The following PICALM variants were observed in gnomAD, a reference collection of about 807,000 sequenced individuals.
PICALM encodes the protein phosphatidylinositol binding clathrin assembly protein, also known as phosphatidylinositol-binding clathrin assembly protein.
PICALM carries 40 observed loss-of-function variants against 80.5 expected under a neutral mutation model. The observed-to-expected ratio is 0.50, with a 90% CI of 0.39 to 0.65. The LOEUF (loss-of-function observed/expected upper bound fraction) is 0.65, where lower values mean the gene tolerates loss of function less well. Among genes scored for constraint, PICALM ranks in the 30% least tolerant of loss-of-function variants. The probability of loss-of-function intolerance (pLI) is 0.00; values close to 1 mark genes in which losing one functional copy is unlikely to be tolerated. For missense variants in PICALM, 676 were observed against 778.9 expected (o/e 0.87, Z 1.57); for synonymous variants, 288 against 260.3 (o/e 1.11, Z -1.02).
At chr11:85,989,749 A>G (rs1356459814) in intron 13 of PICALM, among the ~76,000 whole-genome samples, 1 of 152,134 alleles carries the variant, frequency 6.6e-6, no homozygotes, top group East Asian at 1.9e-4. Flanking sequence ...TCAGAATGGG[A>G]TAAAAGATAT....
intron 4 of PICALM, 116 bp from the exon 5 acceptor site, chr11:86,015,079 T>C (rs2095458892): frequency 3.2e-6 from 2 of 632,392 alleles, no homozygotes; most frequent in South Asian, 3.9e-5. Context: ...AAATGTCACA[T>C]ATTTTTAAGT....
intron 1 of PICALM, among the ~76,000 whole-genome samples, chr11:86,048,077 G>A (rs1213281925): frequency 6.6e-6 from 1 of 151,992 alleles, no homozygotes; most frequent in African/African-American, 2.4e-5. Flanking sequence ...CTCCAGCCTG[G>A]GCAACAAGGC....
Position 86,059,762 on chromosome 11 carries a change from T to C in PICALM, c.130+8889A>G, listed in dbSNP as rs551821130. Among the ~76,000 whole-genome samples, 6 of 152,246 alleles carry C rather than the reference T, an allele frequency of 3.9e-5. No homozygotes were observed. In the South Asian group the frequency reaches 6.2e-4, roughly 16 times the overall value. ...GGGTGACAGAGCCAGACCCTGTCTT[T>C]AGTCCAAGGAATCATATGTGCAAAG... On this transcript the variant is annotated intron_variant, in intron 1 of 19. Coordinates refer to ENST00000393346, the MANE Select transcript of PICALM (RefSeq NM_007166.4).
Position 86,049,937 on chromosome 11 carries a change from C to T in PICALM, c.131-18326G>A, listed in dbSNP as rs373126307. On this transcript the variant is annotated intron_variant, in intron 1 of 19. Transcript: ENST00000393346. ...ACATCAGGCCAGGTGAGGTGGCTCA[C>T]GCCTGTGATCCCAGCACTTTAGGAG... Among the ~76,000 whole-genome samples the T allele has an allele frequency of 5.3e-5, 8 of 151,968 alleles. No individual in the cohort carries two copies. In the East Asian group the frequency reaches 1.2e-3, roughly 22 times the overall value.
At chr11:86,033,482 A>C (rs1164766600) in intron 1 of PICALM, among the ~76,000 whole-genome samples, 3 of 152,066 alleles carry the variant, frequency 2.0e-5, no homozygotes, top group African/African-American at 7.2e-5. Context: ...CTTCTGCTAG[A>C]TACCTATGCT....
intron 4 of PICALM, among the ~76,000 whole-genome samples, chr11:86,015,396 G>A (rs1057311773): frequency 6.6e-6 from 1 of 152,096 alleles, no homozygotes; most frequent in Non-Finnish European, 1.5e-5. Context: ...AGTTAACAAA[G>A]TCTTAGAGCT....
intron 19 of PICALM, among the ~76,000 whole-genome samples, chr11:85,964,424 T>C (rs904173816): frequency 1.3e-4 from 20 of 152,322 alleles, no homozygotes; most frequent in Non-Finnish European, 2.4e-4. Context: ...TGTAGAAAGA[T>C]GGAACTGAAT....
intron 4 of PICALM, among the ~76,000 whole-genome samples, chr11:86,019,172 TGA>T (rs1301219011): frequency 1.3e-5 from 2 of 152,202 alleles, no homozygotes; most frequent in Admixed American, 6.5e-5. Flanking sequence ...CTACTTACAA[TGA>T]GAGTCCTCTC....
intron 14 of PICALM, among the ~76,000 whole-genome samples, chr11:85,983,587 G>C (rs1565284363): frequency 6.6e-6 from 1 of 152,130 alleles, no homozygotes; most frequent in Admixed American, 6.5e-5. Context: ...TCTACACATA[G>C]TCACAAGCAA....
At chr11:86,000,115 A>G (rs2095097868) in intron 11 of PICALM, among the ~76,000 whole-genome samples, 1 of 152,252 alleles carries the variant, frequency 6.6e-6, no homozygotes, top group South Asian at 2.1e-4. Flanking sequence ...TGGCAATATT[A>G]TATTTCCATG....
rs1255087949 is a variant in PICALM at position 86,003,274 on chromosome 11, T to G, written c.893+92A>C. 6.4e-6 allele frequency: 4 copies of G among 622,502 alleles called. No homozygotes were observed. In the Admixed American group the frequency reaches 9.9e-5, roughly 15 times the overall value. The allele number at this position is 622,502 out of a possible 1,614,324, so 38.6% of individuals were successfully genotyped here. A position where few individuals can be genotyped will look rare whatever the true frequency, so the allele number is the denominator to read the frequency against. ...TTTTATAGAAAATGAAATCAAGATA[T>G]AGAGAAATTAAACAGCTTGGAACTT... On this transcript the variant is annotated intron_variant, in intron 9 of 19. Transcript: ENST00000393346.
At chr11:86,000,842 A>G (rs2095121927) in intron 10 of PICALM, 63 bp from the exon 11 acceptor site, 2 of 1,561,248 alleles carry the variant, frequency 1.3e-6, no homozygotes, top group Non-Finnish European at 1.7e-6. Context: ...CAGCCTCTGA[A>G]AAAAGCATTT....
chr11:86,007,955 C>CA (rs564488814), intron 7 of PICALM, among the ~76,000 whole-genome samples: 1,594 of 128,408 alleles, frequency 0.012, 7 homozygotes, highest in African/African-American at 0.018. Context: ...CTCTTTGATG[C>CA]AAAAAAAAAA....
intron 2 of PICALM, among the ~76,000 whole-genome samples, chr11:86,028,838 CT>C (rs71040205): frequency 0.63 from 79,719 of 126,186 alleles, 24,042 homozygotes; most frequent in African/African-American, 0.67. Flanking sequence ...TTTTAATTTT[CT>C]TTTTTTTTTT....
Position 86,031,564 on chromosome 11 carries a change from C to T in PICALM, c.178G>A (p.Ala60Thr). 6.2e-7 allele frequency: 1 copy of T among 1,612,310 alleles called. No individual in the cohort carries two copies. The highest frequency in any genetic ancestry group is 8.5e-7 in the Non-Finnish European group (1 of 1,179,204). Residue 60 changes from alanine to threonine, a missense_variant, in exon 2 of 20, where the codon GCA (alanine) becomes ACA (threonine). Transcript: ENST00000393346. ...NEMNVNIPQL[A>T]DSLFERTTNS... ...GTAGTTCTTTCAAATAAACTGTCTG[C>T]CAACTGTGGGATGTTCACATTCATC...
At chr11:85,975,912 A>G (rs1306589060) in intron 18 of PICALM, among the ~76,000 whole-genome samples, 1 of 152,086 alleles carries the variant, frequency 6.6e-6, no homozygotes, top group Non-Finnish European at 1.5e-5. Flanking sequence ...AGACATTTTA[A>G]TGCAATGACT....
At chr11:86,043,233 T>C (rs1232168356) in intron 1 of PICALM, among the ~76,000 whole-genome samples, 3 of 152,220 alleles carry the variant, frequency 2.0e-5, no homozygotes, top group Non-Finnish European at 1.5e-5. Flanking sequence ...AGTGCTATAT[T>C]CTAGTTCTTA....
chr11:86,022,546 T>C, intron 3 of PICALM, 77 bp from the exon 4 acceptor site: 1 of 724,114 alleles, frequency 1.4e-6, no homozygotes, highest in Non-Finnish European at 2.3e-6. Context: ...CCAATATGCC[T>C]AGAAAAACAA....
At chr11:86,068,604 G>A (rs778250796) in intron 1 of PICALM, 47 bp downstream of exon 1, 18 of 1,571,582 alleles carry the variant, frequency 1.1e-5, no homozygotes, top group Admixed American at 7.4e-5. Flanking sequence ...GACGCGCGCG[G>A]GTCGCGCGGG....
Sources: allele counts gnomAD v4.1 joint callset (sites outside exome capture counted in the v4.1 genomes callset), GRCh38; gene constraint gnomAD v4.1.1; transcripts MANE v1.5; gene names NCBI Gene and HGNC (gene_info 2026-07-23, HGNC 2026-07-21).